The following RUFY2 variants were observed in gnomAD, a reference collection of about 807,000 sequenced individuals.
RUFY2 encodes RUN and FYVE domain-containing protein 2.
A neutral mutation model predicts 94.4 loss-of-function variants in RUFY2; 49 were observed. The observed-to-expected ratio is 0.52, with a 90% CI of 0.41 to 0.66. The LOEUF is 0.66. Ranked by LOEUF, RUFY2 falls within the 30% of genes least tolerant of loss-of-function variation. The pLI is 0.00. For missense variants in RUFY2, 541 were observed against 692.8 expected (o/e 0.78, Z 2.46); for synonymous variants, 255 against 235.7 (o/e 1.08, Z -0.75).
At chr10:68,364,491 T>C (rs1478584985) in intron 13 of RUFY2, among the ~76,000 whole-genome samples, 2 of 152,232 alleles carry the variant, frequency 1.3e-5, no homozygotes, top group Non-Finnish European at 2.9e-5. Flanking sequence ...CTTACACTTC[T>C]ATGCCATGTG....
chr10:68,401,735 T>C lies in RUFY2; in HGVS notation c.181A>G (p.Arg61Gly). The C allele has an allele frequency of 6.3e-7, 1 of 1,596,418 alleles. No homozygotes were observed. The highest frequency in any genetic ancestry group is 8.6e-7 in the Non-Finnish European group (1 of 1,164,058). ...TTGTTGTAACTCAAAAATGATTTTC[T>C]TACTGAAAAAAAGAACACATAATGC... ...EHCLKHGLKV[R>G]KSFLSYNKTI... The change falls in exon 3 of 18, where the codon AGA becomes GGA. Residue 61 changes from arginine to glycine, a missense_variant and splice_region_variant. Arg to Gly is a moderately radical substitution (Grantham distance 125). Around this residue, in one of 3 missense-constraint regions of RUFY2, gnomAD observed 85 missense variants for 153.4 expected, o/e 0.55. Coordinates refer to ENST00000602465, the MANE Select transcript of RUFY2 (RefSeq NM_001330103.2).
chr10:68,406,640 G>T, intron 1 of RUFY2: 1 of 1,042,650 alleles, frequency 9.6e-7, no homozygotes, highest in East Asian at 2.8e-5. Flanking sequence ...CAGGGCCAGT[G>T]CCCGCACCTT....
At chr10:68,406,900 C>G in intron 1 of RUFY2, 1 of 1,577,234 alleles carries the variant, frequency 6.3e-7, no homozygotes, top group Non-Finnish European at 8.6e-7. Flanking sequence ...GGGAGTGACA[C>G]CCTGCCTGGC....
rs368786917 is a variant in RUFY2 at position 68,345,825 on chromosome 10, C to G, written c.1764G>C (p.Arg588=). 9 of 1,613,844 alleles carry G rather than the reference C, an allele frequency of 5.6e-6. No individual in the cohort carries two copies. The highest frequency in any genetic ancestry group is 7.6e-6 in the Non-Finnish European group (9 of 1,179,904). Residue 588 remains arginine, a synonymous_variant, in exon 18 of 18, where the codon CGG becomes CGC. Coordinates refer to ENST00000602465, the MANE Select transcript of RUFY2 (RefSeq NM_001330103.2). ...LPLPSSPKPV[R]VCDSCHALLI... is the part of the protein sequence containing the mutation. Reference sequence around the variant, plus strand: ...GCAGTGCATGACAGGAATCACAAACCCGTACTGGTTTTGGTGAAGAAGGCA... The same window carrying G: ...GCAGTGCATGACAGGAATCACAAACGCGTACTGGTTTTGGTGAAGAAGGCA...
chr10:68,399,765 T>C (rs1252571553), intron 3 of RUFY2, among the ~76,000 whole-genome samples: 1 of 152,166 alleles, frequency 6.6e-6, no homozygotes, highest in African/African-American at 2.4e-5. Flanking sequence ...GGCTGGGCGC[T>C]GTGGCTCACG....
intron 6 of RUFY2, 151 bp downstream of exon 6, chr10:68,393,924 A>C: frequency 1.4e-6 from 2 of 1,387,180 alleles, no homozygotes; most frequent in Non-Finnish European, 1.9e-6. Flanking sequence ...TCTGCTTTGT[A>C]AAGCTTGTAA....
Position 68,345,488 on chromosome 10 carries a change from T to TAA in RUFY2, c.*278_*279dup. On this transcript the variant is annotated 3_prime_UTR_variant, in exon 18 of 18. Coordinates refer to ENST00000602465, the MANE Select transcript of RUFY2 (RefSeq NM_001330103.2). ...AAAAAACAATCTGAAGCCTTATTTT[T>TAA]AAGGCCTTTACAAGATAAGGCAAGT... 1 of 408,610 alleles carries TAA rather than the reference T, an allele frequency of 2.4e-6. No individual in the cohort carries two copies. The highest frequency in any genetic ancestry group is 4.3e-6 in the Non-Finnish European group (1 of 232,656). The allele number at this position is 408,610 out of a possible 1,614,324, so 25.3% of individuals were successfully genotyped here. A position where few individuals can be genotyped will look rare whatever the true frequency, so the allele number is the denominator to read the frequency against.
chr10:68,361,613 A>C (rs965040783), intron 15 of RUFY2, among the ~76,000 whole-genome samples: 1 of 152,242 alleles, frequency 6.6e-6, no homozygotes, highest in Non-Finnish European at 1.5e-5. Context: ...TGTTCTTTGA[A>C]GAGCTGTAAA....
chr10:68,401,183 C>A (rs186744639), intron 3 of RUFY2, among the ~76,000 whole-genome samples: 5 of 152,272 alleles, frequency 3.3e-5, no homozygotes, highest in Admixed American at 3.3e-4. Context: ...TCAGAGGAAG[C>A]AAAGAAATGT....
chr10:68,385,967 T>C, intron 8 of RUFY2, 92 bp downstream of exon 8: 1 of 653,954 alleles, frequency 1.5e-6, no homozygotes, highest in Non-Finnish European at 2.6e-6. Flanking sequence ...TGTGTGTTCG[T>C]GTGTGTGTGT....
chr10:68,356,090 A>G (rs1010769108), intron 15 of RUFY2, among the ~76,000 whole-genome samples: 13 of 152,164 alleles, frequency 8.5e-5, no homozygotes, highest in African/African-American at 3.1e-4. Context: ...AGTCACTTGT[A>G]AGAAGTCAGA....
At chr10:68,401,331 A>AAACAAAGATGCATAACTGATATAT (rs2050833054) in intron 3 of RUFY2, among the ~76,000 whole-genome samples, 1 of 152,194 alleles carries the variant, frequency 6.6e-6, no homozygotes, top group Admixed American at 6.5e-5. Context: ...AACACTCAGA[A>AAACAAAGATGCATAACTGATATAT]AACAAAGATG....
At chr10:68,394,611 A>T (rs1564843952) in intron 4 of RUFY2, among the ~76,000 whole-genome samples, 160 bp from the exon 5 acceptor site, 1 of 151,676 alleles carries the variant, frequency 6.6e-6, no homozygotes, top group Non-Finnish European at 1.5e-5. Context: ...ATAACTTTTT[A>T]TATTTTTTAT....
At chr10:68,377,028 A>G in intron 12 of RUFY2, 56 bp from the exon 13 acceptor site, 2 of 1,589,680 alleles carry the variant, frequency 1.3e-6, no homozygotes, top group Middle Eastern at 1.7e-4. Context: ...AGGGTGTAAA[A>G]GGGTGAAGAA....
intron 4 of RUFY2, among the ~76,000 whole-genome samples, chr10:68,394,823 G>A (rs1275320247): frequency 6.6e-6 from 1 of 151,406 alleles, no homozygotes; most frequent in Non-Finnish European, 1.5e-5. Context: ...TAGAGACGGG[G>A]TTTCACCGTG....
intron 16 of RUFY2, among the ~76,000 whole-genome samples, chr10:68,350,600 C>T (rs1024545577): frequency 1.3e-5 from 2 of 152,226 alleles, no homozygotes; most frequent in South Asian, 2.1e-4. Flanking sequence ...ACACAAAATA[C>T]AGGAGAGATG....
intron 16 of RUFY2, among the ~76,000 whole-genome samples, chr10:68,354,561 G>A (rs1161013248): frequency 2.0e-5 from 3 of 152,166 alleles, no homozygotes; most frequent in East Asian, 3.8e-4. Context: ...CTTCTATGTT[G>A]TAGCAAGGAT....
chr10:68,370,310 C>A (rs567421875), intron 13 of RUFY2, among the ~76,000 whole-genome samples: 2 of 152,186 alleles, frequency 1.3e-5, no homozygotes, highest in South Asian at 4.1e-4. Flanking sequence ...TAAACTAATC[C>A]AGTCTATCCC....
chr10:68,403,080 A>C (rs2050983185), intron 2 of RUFY2, among the ~76,000 whole-genome samples: 1 of 151,366 alleles, frequency 6.6e-6, no homozygotes, highest in African/African-American at 2.4e-5. Context: ...TCCTGACCTC[A>C]AGTGATCCGT....
Sources: allele counts gnomAD v4.1 joint callset (sites outside exome capture counted in the v4.1 genomes callset), GRCh38; gene constraint gnomAD v4.1.1; regional missense constraint gnomAD v4.1.1; transcripts MANE v1.5; gene names NCBI Gene and HGNC (gene_info 2026-07-23, HGNC 2026-07-21).